Variants in PLD5 observed in about 807,000 individuals in gnomAD.
PLD5 encodes the protein inactive phospholipase D5.
In PLD5, 36 loss-of-function variants were observed where a neutral mutation model predicts 61.1. The observed-to-expected ratio is 0.59, with a 90% CI of 0.45 to 0.78. The LOEUF (loss-of-function observed/expected upper bound fraction) is 0.78, where lower values mean the gene tolerates loss of function less well. Ranked by LOEUF, PLD5 falls within the 30% of genes least tolerant of loss-of-function variation. PLD5 has a pLI of 0.00. For missense variants in PLD5, 515 were observed against 644.4 expected (o/e 0.80, Z 2.17); for synonymous variants, 243 against 242.8 (o/e 1.00, Z -0.01).
intron 5 of PLD5, among the ~76,000 whole-genome samples, chr1:242,164,728 T>A (rs1666175452): frequency 2.6e-5 from 1 of 38,644 alleles, no homozygotes; most frequent in Non-Finnish European, 4.7e-5. Context: ...TTACACTACT[T>A]TTGGGAAACA....
At chr1:242,390,166 C>T (rs1662846999) in intron 1 of PLD5, among the ~76,000 whole-genome samples, 1 of 151,966 alleles carries the variant, frequency 6.6e-6, no homozygotes, top group Non-Finnish European at 1.5e-5. Context: ...TCAAGTGATT[C>T]TCCTGCCTCA....
At chr1:242,449,407 C>T (rs768152718) in intron 1 of PLD5, 68 of 1,535,908 alleles carry the variant, frequency 4.4e-5, no homozygotes, top group South Asian at 2.4e-5. Context: ...CAGGAGCTGT[C>T]GCTGATGTGC....
chr1:242,173,455 C>T (rs1192569629), intron 5 of PLD5, among the ~76,000 whole-genome samples: 4 of 152,172 alleles, frequency 2.6e-5, no homozygotes, highest in Non-Finnish European at 4.4e-5. Context: ...GAATCAATAT[C>T]GTGAAAATGG....
intron 2 of PLD5, among the ~76,000 whole-genome samples, chr1:242,300,767 C>T (rs1321864726): frequency 9.3e-6 from 1 of 107,910 alleles, no homozygotes; most frequent in African/African-American, 3.2e-5. Flanking sequence ...AGGGTTGCAG[C>T]GGGAGAACAA....
chr1:242,291,077 A>G (rs933322608), intron 2 of PLD5, among the ~76,000 whole-genome samples: 4 of 152,078 alleles, frequency 2.6e-5, no homozygotes, highest in East Asian at 1.9e-4. Flanking sequence ...TACCACAGCC[A>G]TATTTGTCAT....
At chr1:242,133,534 A>G (rs369552270) in intron 5 of PLD5, among the ~76,000 whole-genome samples, 17 of 152,190 alleles carry the variant, frequency 1.1e-4, no homozygotes, top group African/African-American at 4.1e-4. Flanking sequence ...CTCCACTGGT[A>G]ACACTGAGAT....
intron 5 of PLD5, among the ~76,000 whole-genome samples, chr1:242,135,118 C>T (rs746647688): frequency 1.1e-4 from 16 of 152,138 alleles, no homozygotes; most frequent in African/African-American, 3.4e-4. Flanking sequence ...GAAATGCATA[C>T]GGTTGTTGGG....
intron 1 of PLD5, among the ~76,000 whole-genome samples, chr1:242,466,643 A>G (rs1252057864): frequency 6.6e-6 from 1 of 152,196 alleles, no homozygotes; most frequent in Non-Finnish European, 1.5e-5. Flanking sequence ...CTGTAATCCC[A>G]GCACTTTGAT....
At chr1:242,394,998 T>TATATATGAATATATATGTATATATGA (rs1663438495) in intron 1 of PLD5, among the ~76,000 whole-genome samples, 1 of 62,308 alleles carries the variant, frequency 1.6e-5, no homozygotes, top group Non-Finnish European at 3.1e-5. Context: ...AATATATATG[T>TATATATGAATATATATGTATATATGA]ATATATGAAT....
chr1:242,249,035 C>A (rs1365021344), intron 4 of PLD5, among the ~76,000 whole-genome samples: 2 of 152,142 alleles, frequency 1.3e-5, no homozygotes, highest in African/African-American at 4.8e-5. Context: ...GTAATCCCAG[C>A]TACTCGGGAG....
chr1:242,167,069 ATAATAATAG>A (rs200649069), intron 5 of PLD5, among the ~76,000 whole-genome samples: 13,109 of 54,560 alleles, frequency 0.24, 689 homozygotes, highest in South Asian at 0.35. Flanking sequence ...GTGAGAGACA[ATAATAATAG>A]TAATAATAAT....
At chr1:242,517,465 A>T (rs1005519985) in intron 1 of PLD5, among the ~76,000 whole-genome samples, 4 of 152,208 alleles carry the variant, frequency 2.6e-5, no homozygotes, top group Non-Finnish European at 5.9e-5. Flanking sequence ...CTTTTATCCT[A>T]TTAATATGAT....
At chr1:242,441,566 T>A (rs1470242132) in intron 1 of PLD5, among the ~76,000 whole-genome samples, 1 of 152,236 alleles carries the variant, frequency 6.6e-6, no homozygotes. Context: ...TCAGCCCTTT[T>A]TCATCTTCCC....
rs781637158 is a variant in PLD5, at chr1:242,113,877, G to A, written c.1070+13C>T. The A allele has an allele frequency of 1.2e-6, 2 of 1,611,274 alleles. No individual in the cohort carries two copies. Among genetic ancestry groups the A allele is most frequent in the Admixed American group, 1.7e-5 (1 of 59,476 alleles). On this transcript the variant is annotated intron_variant, in intron 7 of 9. Transcript: ENST00000536534. ...GGGACTGGGTTCTAACCAGAGGCTG[G>A]GCATTCACTGACCTTTTGGTGCTTG...
At chr1:242,128,334 C>T (rs139246218) in intron 5 of PLD5, among the ~76,000 whole-genome samples, 91 of 151,180 alleles carry the variant, frequency 6.0e-4, no homozygotes, top group Admixed American at 7.3e-4. Flanking sequence ...AAAAACCATG[C>T]TATTTCCCTA....
intron 1 of PLD5, among the ~76,000 whole-genome samples, chr1:242,438,951 C>G (rs1475862880): frequency 3.0e-5 from 4 of 133,316 alleles, no homozygotes; most frequent in African/African-American, 1.0e-4. Flanking sequence ...GCTTGTTACT[C>G]TTATCACCCT....
At chr1:242,224,707 C>G (rs1670817390) in intron 4 of PLD5, among the ~76,000 whole-genome samples, 1 of 152,066 alleles carries the variant, frequency 6.6e-6, no homozygotes, top group African/African-American at 2.4e-5. Context: ...CTATTCAGAG[C>G]CAACAAAGGC....
intron 1 of PLD5, among the ~76,000 whole-genome samples, chr1:242,405,072 A>G (rs746429453): frequency 1.3e-5 from 2 of 151,490 alleles, no homozygotes; most frequent in African/African-American, 2.4e-5. Context: ...ATAGAGATGG[A>G]GTTTCACCAA....
intron 5 of PLD5, among the ~76,000 whole-genome samples, chr1:242,205,719 C>T (rs1009570667): frequency 3.3e-5 from 5 of 152,182 alleles, no homozygotes; most frequent in Admixed American, 6.5e-5. Flanking sequence ...GGAGGTAAAA[C>T]ATATCTTTCA....
Sources: allele counts gnomAD v4.1 joint callset (sites outside exome capture counted in the v4.1 genomes callset), GRCh38; gene constraint gnomAD v4.1.1; transcripts MANE v1.5; gene names NCBI Gene and HGNC (gene_info 2026-07-23, HGNC 2026-07-21).